The following VPS35L variants were observed in gnomAD, a reference collection of about 807,000 sequenced individuals.
The protein encoded by VPS35L is VPS35 endosomal protein sorting factor like.
In VPS35L, 83 loss-of-function variants were observed where a neutral mutation model predicts 133.0. That is an observed-to-expected ratio of 0.62 (90% CI 0.52 to 0.75). The LOEUF (loss-of-function observed/expected upper bound fraction) is 0.75. VPS35L is among the 30% of genes least tolerant of loss of function. VPS35L has a pLI of 0.00. For synonymous variants in VPS35L, 423 were observed against 449.9 expected, an observed-to-expected ratio of 0.94 and a Z score of 0.76; for missense variants, 1,083 against 1,206.8, an observed-to-expected ratio of 0.90 and a Z score of 1.52.
intron 28 of VPS35L, among the ~76,000 whole-genome samples, chr16:19,689,186 CCAGGATG>C (rs1190182059): frequency 6.6e-6 from 1 of 151,680 alleles, no homozygotes; most frequent in Non-Finnish European, 1.5e-5. Context: ...ACCATGTTGA[CCAGGATG>C]GTCTTGATCT....
intron 1 of VPS35L, among the ~76,000 whole-genome samples, chr16:19,558,691 C>T (rs572619473): frequency 1.3e-5 from 2 of 151,914 alleles, no homozygotes; most frequent in East Asian, 1.9e-4. Flanking sequence ...GAGGCTGAGG[C>T]GGGTGGATCA....
chr16:19,681,471 G>A (rs780813514), intron 27 of VPS35L, among the ~76,000 whole-genome samples: 1 of 152,174 alleles, frequency 6.6e-6, no homozygotes, highest in Admixed American at 6.5e-5. Context: ...GCATGGGGTG[G>A]GCTAGCAAGG....
At chr16:19,669,652 CT>C (rs1243436737) in intron 27 of VPS35L, among the ~76,000 whole-genome samples, 1 of 137,148 alleles carries the variant, frequency 7.3e-6, no homozygotes, top group Non-Finnish European at 1.6e-5. Context: ...AGACAACCAT[CT>C]TCTCTCTCTT....
chr16:19,603,582 T>A (rs947902736), intron 9 of VPS35L, among the ~76,000 whole-genome samples: 2 of 152,150 alleles, frequency 1.3e-5, no homozygotes, highest in Non-Finnish European at 2.9e-5. Context: ...GCGTCACACC[T>A]GTGACGATGT....
At chr16:19,695,892 TTTTA>T (rs1459874727) in intron 29 of VPS35L, among the ~76,000 whole-genome samples, 1 of 143,796 alleles carries the variant, frequency 7.0e-6, no homozygotes, top group African/African-American at 3.0e-5. Context: ...CCTTCTTTTA[TTTTA>T]TTTTTTTTTT....
intron 26 of VPS35L, among the ~76,000 whole-genome samples, chr16:19,665,799 G>A (rs1304644370): frequency 1.3e-5 from 2 of 152,108 alleles, no homozygotes; most frequent in Non-Finnish European, 2.9e-5. Flanking sequence ...TGCACCAGCA[G>A]TGTGTGAGGG....
Position 19,699,419 on chromosome 16 carries a change from C to T in VPS35L, c.2647-83C>T, listed in dbSNP as rs555281106. The T allele has an allele frequency of 1.3e-6, 2 of 1,541,294 alleles. No individual in the cohort carries two copies. Among genetic ancestry groups the T allele is most frequent in the Non-Finnish European group, 1.8e-6 (2 of 1,131,966 alleles). ...ACTGGAACTCAGGCATGACCTACCC[C>T]AGAGTCAGCACTGTCCACAGCATCT... is the stretch of plus-strand genomic sequence containing the variant. On this transcript the variant is annotated intron_variant, in intron 29 of 30. Transcript: ENST00000417362. This position sits in a 1 kb window ranked among gnomAD's most constrained non-coding sequence, Gnocchi z 4.2.
intron 29 of VPS35L, among the ~76,000 whole-genome samples, chr16:19,697,804 G>A (rs757431189): frequency 9.2e-5 from 14 of 152,166 alleles, no homozygotes; most frequent in Non-Finnish European, 1.5e-4. Flanking sequence ...GATAAGATGC[G>A]ACCCTGAGTG....
chr16:19,576,178 A>AC (rs904697265), intron 5 of VPS35L, among the ~76,000 whole-genome samples: 2 of 138,700 alleles, frequency 1.4e-5, no homozygotes, highest in African/African-American at 5.9e-5. Flanking sequence ...AAAAAAAAAA[A>AC]AACAAAAAAA....
At chr16:19,561,935 G>A (rs1260588120) in intron 1 of VPS35L, among the ~76,000 whole-genome samples, 1 of 151,876 alleles carries the variant, frequency 6.6e-6, no homozygotes, top group Non-Finnish European at 1.5e-5. Flanking sequence ...GTGAAACCCC[G>A]TTTCTAATAA....
chr16:19,556,469 A>G (rs1171036261), intron 1 of VPS35L, among the ~76,000 whole-genome samples: 2 of 152,188 alleles, frequency 1.3e-5, no homozygotes, highest in African/African-American at 2.4e-5. Flanking sequence ...TGGAGTAGCT[A>G]GGAATGAGTG....
At chr16:19,643,299 G>A (rs919940788) in intron 22 of VPS35L, among the ~76,000 whole-genome samples, 1 of 152,214 alleles carries the variant, frequency 6.6e-6, no homozygotes, top group Non-Finnish European at 1.5e-5. Context: ...TTAGATTCGT[G>A]AGACATTGGG....
intron 26 of VPS35L, among the ~76,000 whole-genome samples, chr16:19,666,315 A>G (rs1974662387): frequency 6.6e-6 from 1 of 152,148 alleles, no homozygotes; most frequent in African/African-American, 2.4e-5. Context: ...AAAATCCGTT[A>G]TATCTTAAAT....
At chr16:19,683,441 T>C (rs1311126633) in intron 28 of VPS35L, among the ~76,000 whole-genome samples, 1 of 152,200 alleles carries the variant, frequency 6.6e-6, no homozygotes, top group African/African-American at 2.4e-5. Flanking sequence ...TCAGCCCTTG[T>C]CCCCTCCCCT....
chr16:19,656,340 AAAG>A lies in VPS35L; in HGVS notation c.2221+4256_2221+4258del, dbSNP rs554162501. ...GGAAGTATGTTTAAGGTGGGTCTTA[AAAG>A]AAGAACATGTGTTTATGAGAACATG... On this transcript the variant is annotated intron_variant, in intron 26 of 30. Transcript: ENST00000417362. 1.7e-4 allele frequency among the ~76,000 whole-genome samples: 26 copies of A among 151,828 alleles called. No individual in the cohort carries two copies. The East Asian group carries it at 4.6e-3, about 27-fold the overall frequency.
intron 9 of VPS35L, among the ~76,000 whole-genome samples, chr16:19,602,385 C>T (rs892853102): frequency 9.9e-5 from 15 of 152,058 alleles, no homozygotes; most frequent in African/African-American, 3.4e-4. Context: ...GCTCCATTGC[C>T]GCTCCACTTC....
At chr16:19,612,423 T>G (rs560423240) in intron 12 of VPS35L, among the ~76,000 whole-genome samples, 12 of 152,194 alleles carry the variant, frequency 7.9e-5, no homozygotes, top group South Asian at 4.1e-4. Flanking sequence ...CCAGCTACTT[T>G]TTGTATTTTT....
chr16:19,621,186 T>C (rs1476650297), intron 14 of VPS35L, among the ~76,000 whole-genome samples: 1 of 151,944 alleles, frequency 6.6e-6, no homozygotes, highest in Non-Finnish European at 1.5e-5. Context: ...TTTATAAGAG[T>C]ATCCCATTGT....
intron 2 of VPS35L, among the ~76,000 whole-genome samples, chr16:19,565,865 G>A (rs1206395172): frequency 6.6e-6 from 1 of 152,204 alleles, no homozygotes; most frequent in African/African-American, 2.4e-5. Context: ...AGCAGAGAGT[G>A]CTGTCCTGAA....
Sources: allele counts gnomAD v4.1 joint callset (sites outside exome capture counted in the v4.1 genomes callset), GRCh38; gene constraint gnomAD v4.1.1; non-coding constraint Gnocchi (gnomAD v3.1); transcripts MANE v1.5; gene names NCBI Gene and HGNC (gene_info 2026-07-23, HGNC 2026-07-21).